PCDH9: variants seen among roughly 807,000 people sequenced by gnomAD.
PCDH9 encodes the protein protocadherin 9.
A neutral mutation model predicts 70.6 loss-of-function variants in PCDH9; 24 were observed. The observed-to-expected ratio is 0.34, with a 90% CI of 0.25 to 0.48. The LOEUF (loss-of-function observed/expected upper bound fraction) is 0.48. PCDH9 is among the 20% of genes least tolerant of loss of function. The probability of loss-of-function intolerance (pLI) is 0.99; values close to 1 mark genes in which losing one functional copy is unlikely to be tolerated. For synonymous variants in PCDH9, 562 were observed against 558.5 expected (o/e 1.01, Z -0.09); for missense variants, 1,281 against 1,503.6 (o/e 0.85, Z 2.45).
intron 2 of PCDH9, among the ~76,000 whole-genome samples, chr13:66,912,346 A>G (rs1250555789): frequency 6.6e-6 from 1 of 152,278 alleles, no homozygotes; most frequent in African/African-American, 2.4e-5. Context: ...TACATACTGA[A>G]ACTGACTTGT....
intron 2 of PCDH9, among the ~76,000 whole-genome samples, chr13:67,177,593 C>A (rs557037170): frequency 6.6e-6 from 1 of 152,168 alleles, no homozygotes; most frequent in African/African-American, 2.4e-5. Flanking sequence ...GAAGATACAA[C>A]CTTACAATCT....
chr13:67,136,909 T>G (rs371146679), intron 2 of PCDH9, among the ~76,000 whole-genome samples: 3 of 152,194 alleles, frequency 2.0e-5, no homozygotes, highest in East Asian at 3.9e-4. Context: ...CTAGTTTCTC[T>G]GTGTCTGCAT....
At chr13:66,442,922 A>G (rs9317590) in intron 4 of PCDH9, among the ~76,000 whole-genome samples, 97,493 of 151,972 alleles carry the variant, frequency 0.64, 31,816 homozygotes, top group East Asian at 0.94. Context: ...TGTAAATGGT[A>G]GTTCCTAATT....
intron 2 of PCDH9, among the ~76,000 whole-genome samples, chr13:67,038,570 C>A (rs1286443311): frequency 6.6e-6 from 1 of 152,140 alleles, no homozygotes; most frequent in African/African-American, 2.4e-5. Flanking sequence ...TACCCTAAAT[C>A]TAATTTAATT....
At chr13:66,718,559 C>T (rs2078900927) in intron 3 of PCDH9, among the ~76,000 whole-genome samples, 1 of 151,970 alleles carries the variant, frequency 6.6e-6, no homozygotes, top group South Asian at 2.1e-4. Flanking sequence ...TCTATTATTA[C>T]CTGTCTCAAA....
intron 3 of PCDH9, among the ~76,000 whole-genome samples, chr13:66,638,790 G>A (rs1029682958): frequency 1.3e-5 from 2 of 152,164 alleles, no homozygotes; most frequent in Non-Finnish European, 2.9e-5. Flanking sequence ...ATCCTTCAGT[G>A]TGATTTCTCA....
At chr13:66,568,281 T>C (rs2076680766) in intron 4 of PCDH9, among the ~76,000 whole-genome samples, 1 of 152,104 alleles carries the variant, frequency 6.6e-6, no homozygotes, top group Non-Finnish European at 1.5e-5. Flanking sequence ...ACCTTGATCA[T>C]GGACTTCCCA....
chr13:67,201,799 C>T (rs1449577891), intron 2 of PCDH9: 2 of 151,892 alleles, frequency 1.3e-5, no homozygotes, highest in East Asian at 3.9e-4. Context: ...TTGTGTAGTG[C>T]CTAAGTATCT....
chr13:67,105,070 C>A (rs752713523), intron 2 of PCDH9, among the ~76,000 whole-genome samples: 1 of 152,126 alleles, frequency 6.6e-6, no homozygotes, highest in Non-Finnish European at 1.5e-5. Flanking sequence ...TTGCCACTAA[C>A]ACTCTTTCAA....
chr13:67,214,017 A>T (rs2089532711), intron 2 of PCDH9: 1 of 152,192 alleles, frequency 6.6e-6, no homozygotes, highest in African/African-American at 2.4e-5. Context: ...TGATGGTTTC[A>T]GCTGTTCCAA....
intron 3 of PCDH9, among the ~76,000 whole-genome samples, chr13:66,668,007 C>G (rs1294008715): frequency 5.3e-5 from 8 of 152,112 alleles, no homozygotes; most frequent in African/African-American, 1.2e-4. Flanking sequence ...TCTAATTTTA[C>G]AGTGGAATAA....
At chr13:66,680,223 T>G (rs1304520023) in intron 3 of PCDH9, among the ~76,000 whole-genome samples, 1 of 151,986 alleles carries the variant, frequency 6.6e-6, no homozygotes, top group Admixed American at 6.6e-5. Flanking sequence ...AGAAAGCAAC[T>G]GAAACAATAC....
chr13:66,871,604 A>T (rs1274496727), intron 3 of PCDH9, among the ~76,000 whole-genome samples: 2 of 152,030 alleles, frequency 1.3e-5, no homozygotes, highest in Admixed American at 6.6e-5. Flanking sequence ...TTTCTAATTC[A>T]TCCTTCTAAA....
intron 3 of PCDH9, among the ~76,000 whole-genome samples, chr13:66,871,734 A>T (rs1247459992): frequency 6.6e-6 from 1 of 152,142 alleles, no homozygotes; most frequent in Non-Finnish European, 1.5e-5. Context: ...TATTTGTTAT[A>T]TGAGGCAAAT....
At chr13:66,887,568 A>C (rs2082028581) in intron 3 of PCDH9, among the ~76,000 whole-genome samples, 1 of 152,260 alleles carries the variant, frequency 6.6e-6, no homozygotes, top group African/African-American at 2.4e-5. Flanking sequence ...ACTTGTAACA[A>C]TATGAAATCA....
chr13:66,345,046 AC>A (rs780244324), intron 4 of PCDH9, among the ~76,000 whole-genome samples: 2 of 152,274 alleles, frequency 1.3e-5, no homozygotes, highest in East Asian at 3.9e-4. Flanking sequence ...TTCTTATTGT[AC>A]TATAACTCAG....
At chr13:66,848,154 T>G (rs2081245770) in intron 3 of PCDH9, among the ~76,000 whole-genome samples, 1 of 152,170 alleles carries the variant, frequency 6.6e-6, no homozygotes, top group Non-Finnish European at 1.5e-5. Flanking sequence ...ATGTATTGCT[T>G]TTACTTAAAA....
At chr13:66,929,733 AC>A (rs2082776411) in intron 2 of PCDH9, among the ~76,000 whole-genome samples, 1 of 152,216 alleles carries the variant, frequency 6.6e-6, no homozygotes. Context: ...TGCATCTGTT[AC>A]TGCATTGCAT....
chr13:66,781,221 A>G (rs2079993071), intron 3 of PCDH9, among the ~76,000 whole-genome samples: 1 of 152,222 alleles, frequency 6.6e-6, no homozygotes, highest in South Asian at 2.1e-4. Context: ...AAAATTCACT[A>G]ACAGATACTC....
Sources: gnomAD v4.1 joint callset for allele counts (sites outside exome capture counted in the v4.1 genomes callset) on GRCh38, gnomAD v4.1.1 for gene constraint, MANE v1.5 for transcripts, NCBI Gene and HGNC (gene_info 2026-07-23, HGNC 2026-07-21) for gene names.